The following AGO2 variants were observed in gnomAD, a reference collection of about 807,000 sequenced individuals.
AGO2 encodes the protein argonaute RISC catalytic component 2, also known as protein argonaute-2.
AGO2 carries 5 observed loss-of-function variants against 102.3 expected under a neutral mutation model. The observed-to-expected ratio is 0.05, with a 90% CI of 0.03 to 0.10. The LOEUF (loss-of-function observed/expected upper bound fraction) is 0.10, where lower values mean the gene tolerates loss of function less well. AGO2 is among the 10% of genes least tolerant of loss of function. The probability of loss-of-function intolerance (pLI) is 1.00; values close to 1 mark genes in which losing one functional copy is unlikely to be tolerated. For synonymous variants in AGO2, 449 were observed against 473.1 expected (o/e 0.95, Z 0.66); for missense variants, 541 against 1,183.7 (o/e 0.46, Z 7.97).
At chr8:140,603,412 T>C (rs1382809976) in intron 1 of AGO2, among the ~76,000 whole-genome samples, 1 of 152,230 alleles carries the variant, frequency 6.6e-6, no homozygotes, top group African/African-American at 2.4e-5. Flanking sequence ...CATTTTCCAG[T>C]GCACACTGAG....
At chr8:140,550,153 C>T (rs1048134781) in intron 11 of AGO2, among the ~76,000 whole-genome samples, 4 of 152,206 alleles carry the variant, frequency 2.6e-5, no homozygotes, top group African/African-American at 7.2e-5. Context: ...CTTCCACCTC[C>T]TCTGCCAGCA....
chr8:140,614,185 G>A (rs73364305), intron 1 of AGO2, among the ~76,000 whole-genome samples: 6,535 of 152,052 alleles, frequency 0.043, 339 homozygotes, highest in African/African-American at 0.12. Flanking sequence ...TTAACTGGGC[G>A]TGGCGTGTGC....
chr8:140,563,292 G>A (rs2073232040), intron 3 of AGO2, among the ~76,000 whole-genome samples: 1 of 152,224 alleles, frequency 6.6e-6, no homozygotes, highest in African/African-American at 2.4e-5. Flanking sequence ...GTGCAGTGGT[G>A]CAGTATTGGC....
chr8:140,600,508 C>T (rs555926096), intron 1 of AGO2, among the ~76,000 whole-genome samples: 23 of 152,188 alleles, frequency 1.5e-4, no homozygotes, highest in African/African-American at 5.3e-4. Context: ...TGGAGAAACA[C>T]CATCTCTACT....
At chr8:140,603,561 C>T (rs958964487) in intron 1 of AGO2, among the ~76,000 whole-genome samples, 1 of 152,204 alleles carries the variant, frequency 6.6e-6, no homozygotes, top group Admixed American at 6.5e-5. Context: ...CCTTGGCACA[C>T]GCACCTGCAT....
At chr8:140,604,723 G>A (rs1324826926) in intron 1 of AGO2, among the ~76,000 whole-genome samples, 1 of 151,718 alleles carries the variant, frequency 6.6e-6, no homozygotes, top group Non-Finnish European at 1.5e-5. Context: ...GCTACATGGG[G>A]GGCTGAGGCA....
intron 1 of AGO2, among the ~76,000 whole-genome samples, chr8:140,602,999 C>T (rs967066321): frequency 2.0e-5 from 3 of 152,208 alleles, no homozygotes; most frequent in East Asian, 1.9e-4. Context: ...GGCCGTGCCA[C>T]GTGCAGTGTT....
Position 140,557,325 on chromosome 8 carries a change from A to T in AGO2, c.879-89T>A. ...TCATTTGCGTTTGCTTTTTAGGGTG[A>T]CGTGTGAGGAGCAAACATTCAGAGC... is the stretch of plus-strand genomic sequence containing the variant. On this transcript the variant is annotated intron_variant, in intron 7 of 18. Transcript: ENST00000220592. The surrounding 1 kb of genome is among the most constrained non-coding windows in gnomAD (Gnocchi z 5.9). The T allele has an allele frequency of 6.8e-7, 1 of 1,466,908 alleles. No homozygotes were observed. Among genetic ancestry groups the T allele is most frequent in the Non-Finnish European group, 9.1e-7 (1 of 1,095,064 alleles). The allele number at this position is 1,466,908 out of a possible 1,614,324, so 90.9% of individuals were successfully genotyped here.
chr8:140,604,170 G>A (rs2073964885), intron 1 of AGO2, among the ~76,000 whole-genome samples: 1 of 152,222 alleles, frequency 6.6e-6, no homozygotes, highest in Non-Finnish European at 1.5e-5. Context: ...CCAGGGAAAC[G>A]ACGCGATGGA....
chr8:140,569,030 C>T (rs1014385830), intron 3 of AGO2, among the ~76,000 whole-genome samples: 2 of 152,366 alleles, frequency 1.3e-5, no homozygotes, highest in East Asian at 1.9e-4. Flanking sequence ...CGCCCCCGCC[C>T]GCCTTCTCTC....
At chr8:140,577,912 T>C (rs2073491819) in intron 2 of AGO2, among the ~76,000 whole-genome samples, 1 of 152,256 alleles carries the variant, frequency 6.6e-6, no homozygotes, top group Non-Finnish European at 1.5e-5. Context: ...CAGCTCATCC[T>C]GCACACCCAG....
rs1200155800 is a variant in AGO2 at position 140,527,968 on chromosome 8, A to C, written c.*4076T>G. Reference sequence around the variant, plus strand: ...AGGCGCAGGGAACAAGCCACGGGCCACCCCAGCCCCAAAGGCCTCCTGGGG... The same window carrying C: ...AGGCGCAGGGAACAAGCCACGGGCCCCCCCAGCCCCAAAGGCCTCCTGGGG... On this transcript the variant is annotated 3_prime_UTR_variant, in exon 19 of 19. Transcript: ENST00000220592. This position sits in a 1 kb window ranked among gnomAD's most constrained non-coding sequence, Gnocchi z 6.0. 2 of 152,228 alleles carry C rather than the reference A, an allele frequency of 1.3e-5. No homozygotes were observed. The highest frequency in any genetic ancestry group is 2.9e-5 in the Non-Finnish European group (2 of 68,062). The allele number at this position is 152,228 out of a possible 1,614,324, so 9.4% of individuals were successfully genotyped here.
rs2072425237 is a variant in AGO2, at chr8:140,522,133, C to T, written c.*9911G>A. The T allele has an allele frequency of 6.6e-6, 1 of 152,006 alleles. No individual in the cohort carries two copies. The highest frequency in any genetic ancestry group is 2.4e-5 in the African/African-American group (1 of 41,350). 9.4% of individuals were successfully genotyped at this position (152,006 alleles called of 1,614,324 possible). A position where few individuals can be genotyped will look rare whatever the true frequency, so the allele number is the denominator to read the frequency against. On this transcript the variant is annotated 3_prime_UTR_variant, in exon 19 of 19. Transcript: ENST00000220592. ...ACCTGTAATATAAATAAAATATGTACTGTTTCATACTGAATTTTTTCAATG... is the reference window on the plus strand; with the variant it reads ...ACCTGTAATATAAATAAAATATGTATTGTTTCATACTGAATTTTTTCAATG...
intron 10 of AGO2, 61 bp from the exon 11 acceptor site, chr8:140,551,497 G>C (rs966343323): frequency 6.4e-6 from 9 of 1,411,404 alleles, no homozygotes; most frequent in Non-Finnish European, 8.4e-6. Context: ...TTCAACCTTA[G>C]ACTTTGTCAC....
At chr8:140,628,504 T>A (rs1406398695) in intron 1 of AGO2, among the ~76,000 whole-genome samples, 1 of 152,220 alleles carries the variant, frequency 6.6e-6, no homozygotes, top group Non-Finnish European at 1.5e-5. Flanking sequence ...CAGATGCTTC[T>A]GAGAAATGCT....
At chr8:140,607,131 C>T (rs1466613934) in intron 1 of AGO2, among the ~76,000 whole-genome samples, 1 of 151,946 alleles carries the variant, frequency 6.6e-6, no homozygotes, top group Admixed American at 6.6e-5. Flanking sequence ...TGCTTGTAAC[C>T]GCAGCTACTC....
In AGO2 at chr8:140,523,481, C is replaced by T. The variant is rs1470356347; in HGVS notation, c.*8563G>A. 3.9e-5 allele frequency: 6 copies of T among 151,944 alleles called. No individual in the cohort carries two copies. Among genetic ancestry groups the T allele is most frequent in the African/African-American group, 1.2e-4 (5 of 41,352 alleles). The allele number at this position is 151,944 out of a possible 1,614,324, so 9.4% of individuals were successfully genotyped here. ...TATTAGGTAAGTAATCTGAAGTGTA[C>T]CAGAGGTAAGAAAAAGCTGGATTTA... On this transcript the variant is annotated 3_prime_UTR_variant, in exon 19 of 19. Transcript: ENST00000220592.
At chr8:140,554,331 C>G (rs1399820150) in intron 10 of AGO2, among the ~76,000 whole-genome samples, 5 of 152,154 alleles carry the variant, frequency 3.3e-5, no homozygotes, top group Admixed American at 6.5e-5. Flanking sequence ...CTCAGACTCC[C>G]TTCAGAGAGA....
intron 2 of AGO2, among the ~76,000 whole-genome samples, chr8:140,583,406 G>A (rs1166241612): frequency 6.6e-6 from 1 of 152,174 alleles, no homozygotes; most frequent in Non-Finnish European, 1.5e-5. Context: ...TAACCATGGG[G>A]ATATGGCCTG....
Sources: gnomAD v4.1 joint callset for allele counts (sites outside exome capture counted in the v4.1 genomes callset) on GRCh38, gnomAD v4.1.1 for gene constraint, Gnocchi (gnomAD v3.1) non-coding constraint, MANE v1.5 for transcripts, NCBI Gene and HGNC (gene_info 2026-07-23, HGNC 2026-07-21) for gene names.